Variants in NMNAT3 observed in about 807,000 individuals in gnomAD.
NMNAT3 encodes the protein nicotinamide nucleotide adenylyltransferase 3.
NMNAT3 carries 21 observed loss-of-function variants against 24.8 expected under a neutral mutation model. The observed-to-expected ratio is 0.85, with a 90% CI of 0.60 to 1.22. NMNAT3 has a LOEUF of 1.22. Ranked by LOEUF, NMNAT3 falls within the 50% of genes most tolerant of loss-of-function variation. The pLI, the probability that NMNAT3 is intolerant of heterozygous loss-of-function variation, is 0.00. For synonymous variants in NMNAT3, 136 were observed against 155.2 expected (o/e 0.88, Z 0.92); for missense variants, 387 against 436.6 (o/e 0.89, Z 1.01).
In NMNAT3 at chr3:139,627,725, C is replaced by A; in HGVS notation, c.-1G>T. 6.3e-7 allele frequency: 1 copy of A among 1,585,084 alleles called. No homozygotes were observed. The highest frequency in any genetic ancestry group is 1.1e-5 in the South Asian group (1 of 88,874). ...GCACCACAGGTATTCGGCTCTTCAT[C>A]TTGTCAGGCACATCCACACCTGTTG... is the stretch of plus-strand genomic sequence containing the variant. On this transcript the variant is annotated 5_prime_UTR_variant, in exon 3 of 7. Coordinates refer to ENST00000643695, the MANE Select transcript of NMNAT3 (RefSeq NM_001320510.2).
intron 3 of NMNAT3, among the ~76,000 whole-genome samples, chr3:139,585,531 A>G (rs147234720): frequency 8.5e-5 from 13 of 152,254 alleles, no homozygotes; most frequent in Admixed American, 2.6e-4. Flanking sequence ...TTATTTTTCA[A>G]TGTTTTCTGG....
At chr3:139,618,242 A>C (rs549831324) in intron 3 of NMNAT3, among the ~76,000 whole-genome samples, 1 of 152,358 alleles carries the variant, frequency 6.6e-6, no homozygotes, top group Admixed American at 6.5e-5. Flanking sequence ...AGCACGGATG[A>C]CTTTGGCAGT....
chr3:139,662,044 G>A (rs1021029741), intron 1 of NMNAT3, among the ~76,000 whole-genome samples: 3 of 152,128 alleles, frequency 2.0e-5, no homozygotes, highest in Non-Finnish European at 4.4e-5. Flanking sequence ...AAGCAAGTGT[G>A]TCCCATCTGA....
chr3:139,598,392 T>A (rs79666914), intron 3 of NMNAT3, among the ~76,000 whole-genome samples: 1 of 152,148 alleles, frequency 6.6e-6, no homozygotes, highest in Non-Finnish European at 1.5e-5. Context: ...TTACATCTTA[T>A]GGTCTTGGGG....
chr3:139,654,851 C>T (rs74532265), intron 1 of NMNAT3, among the ~76,000 whole-genome samples: 2,995 of 152,176 alleles, frequency 0.02, 112 homozygotes, highest in African/African-American at 0.069. Context: ...AGGCAGTATG[C>T]CAGAACAAGG....
At chr3:139,625,696 A>G (rs2056019814) in intron 3 of NMNAT3, among the ~76,000 whole-genome samples, 1 of 152,214 alleles carries the variant, frequency 6.6e-6, no homozygotes, top group Admixed American at 6.5e-5. Context: ...AAAGAAAATC[A>G]ATAAGAAATC....
In NMNAT3 at chr3:139,561,487, A is replaced by C. The variant is rs900171552; in HGVS notation, c.659-95T>G. On this transcript the variant is annotated intron_variant, in intron 6 of 6. Transcript: ENST00000643695. The stretch of plus-strand genomic sequence containing the variant: ...AAGTCTCACAAAATGCTTTTCTTGG[A>C]TGTATCGAGAACTCAGTGTCTCCAT... 3 of 1,104,486 alleles carry C rather than the reference A, an allele frequency of 2.7e-6. No homozygotes were observed. The African/African-American group carries it at 1.0e-4, about 38-fold the overall frequency. 68.4% of individuals were successfully genotyped at this position (1,104,486 alleles called of 1,614,324 possible). A position where few individuals can be genotyped will look rare whatever the true frequency, so the allele number is the denominator to read the frequency against.
intron 2 of NMNAT3, among the ~76,000 whole-genome samples, chr3:139,632,717 G>T (rs1245690762): frequency 6.6e-6 from 1 of 152,202 alleles, no homozygotes; most frequent in Non-Finnish European, 1.5e-5. Context: ...CTATGGGAAG[G>T]ACAATTCAAT....
At chr3:139,579,670 C>T (rs1453026001) in intron 4 of NMNAT3, among the ~76,000 whole-genome samples, 4 of 152,066 alleles carry the variant, frequency 2.6e-5, no homozygotes, top group South Asian at 2.1e-4. Flanking sequence ...CCCTGTAGAT[C>T]GTCTAAACCA....
At chr3:139,663,137 A>G (rs558948058) in intron 1 of NMNAT3, among the ~76,000 whole-genome samples, 2 of 152,324 alleles carry the variant, frequency 1.3e-5, no homozygotes, top group South Asian at 4.1e-4. Flanking sequence ...GGGAGAATCT[A>G]TTCTTGTCTT....
intron 1 of NMNAT3, among the ~76,000 whole-genome samples, chr3:139,650,477 G>C (rs2057020048): frequency 6.6e-6 from 1 of 152,182 alleles, no homozygotes; most frequent in Non-Finnish European, 1.5e-5. Flanking sequence ...AACCCCCTGT[G>C]TTATAATTGA....
intron 3 of NMNAT3, among the ~76,000 whole-genome samples, chr3:139,616,437 C>G (rs1291023772): frequency 6.6e-6 from 1 of 152,162 alleles, no homozygotes; most frequent in Non-Finnish European, 1.5e-5. Flanking sequence ...CTCTCACTCT[C>G]TCTGTGATCT....
At chr3:139,611,961 A>T (rs2108259851) in intron 3 of NMNAT3, among the ~76,000 whole-genome samples, 1 of 152,284 alleles carries the variant, frequency 6.6e-6, no homozygotes, top group Non-Finnish European at 1.5e-5. Context: ...GGAGGTCGGG[A>T]GTTCGAGACC....
intron 3 of NMNAT3, among the ~76,000 whole-genome samples, chr3:139,621,438 A>G (rs1346053600): frequency 2.0e-5 from 3 of 152,180 alleles, no homozygotes; most frequent in Non-Finnish European, 4.4e-5. Flanking sequence ...GTGCAGTGAC[A>G]TGATCTCGGC....
intron 1 of NMNAT3, among the ~76,000 whole-genome samples, chr3:139,674,691 T>C (rs56272542): frequency 1.6e-4 from 24 of 152,344 alleles, no homozygotes; most frequent in Non-Finnish European, 3.5e-4. Context: ...ACACAAGCTG[T>C]CTGGTTAGTG....
At chr3:139,595,362 A>G (rs2054399276) in intron 3 of NMNAT3, among the ~76,000 whole-genome samples, 1 of 152,240 alleles carries the variant, frequency 6.6e-6, no homozygotes. Context: ...GGAAGAATCA[A>G]TATCGCGAAA....
intron 6 of NMNAT3, chr3:139,572,360 C>A: frequency 5.1e-6 from 2 of 395,264 alleles, no homozygotes; most frequent in Non-Finnish European, 8.9e-6. Flanking sequence ...ACAGAAAGAC[C>A]AGAGGAATAC....
intron 3 of NMNAT3, among the ~76,000 whole-genome samples, chr3:139,620,157 A>G (rs1157148310): frequency 6.7e-6 from 1 of 148,524 alleles, no homozygotes; most frequent in African/African-American, 2.5e-5. Context: ...TGCCCTAAAG[A>G]ATGTATTGTA....
At chr3:139,563,832 G>A (rs1159876121) in intron 6 of NMNAT3, among the ~76,000 whole-genome samples, 3 of 152,066 alleles carry the variant, frequency 2.0e-5, no homozygotes, top group Non-Finnish European at 2.9e-5. Context: ...GTAACTCCAG[G>A]GTGTAGTATA....
Sources: allele counts gnomAD v4.1 joint callset (sites outside exome capture counted in the v4.1 genomes callset), GRCh38; gene constraint gnomAD v4.1.1; transcripts MANE v1.5; gene names NCBI Gene and HGNC (gene_info 2026-07-23, HGNC 2026-07-21).